The following TUBB2A variants were observed in gnomAD, a reference collection of about 807,000 sequenced individuals.
The protein encoded by TUBB2A is tubulin beta-2A chain.
Under a neutral mutation model 33.9 loss-of-function variants are expected in TUBB2A, and 7 were observed. The observed-to-expected ratio is 0.21, with a 90% CI of 0.12 to 0.39. TUBB2A has a LOEUF of 0.39. TUBB2A is among the 10% of genes least tolerant of loss of function. The probability of loss-of-function intolerance (pLI) is 1.00; values close to 1 mark genes in which losing one functional copy is unlikely to be tolerated. For synonymous variants in TUBB2A, 187 were observed against 247.6 expected (o/e 0.76, Z 2.30); for missense variants, 80 against 593.4 (o/e 0.13, Z 8.99).
chr6:3,155,572 G>A lies in TUBB2A; in HGVS notation c.277+53C>T. 1.4e-6 allele frequency: 2 copies of A among 1,416,214 alleles called. No homozygotes were observed. Among genetic ancestry groups the A allele is most frequent in the Non-Finnish European group, 2.0e-6 (2 of 1,012,488 alleles). The allele number at this position is 1,416,214 out of a possible 1,614,324, so 87.7% of individuals were successfully genotyped here. A position where few individuals can be genotyped will look rare whatever the true frequency, so the allele number is the denominator to read the frequency against. On this transcript the variant is annotated intron_variant, in intron 3 of 3. Coordinates refer to ENST00000333628, the MANE Select transcript of TUBB2A (RefSeq NM_001069.3). The surrounding 1 kb of genome is among the most constrained non-coding windows in gnomAD (Gnocchi z 4.2). Reference sequence around the variant, plus strand: ...ACTAAGAACTGTGCTTTGCAGGGCTGTTAGGAAGAAGGTGTGTCATTTGGC... The same window carrying A: ...ACTAAGAACTGTGCTTTGCAGGGCTATTAGGAAGAAGGTGTGTCATTTGGC...
chr6:3,155,791 A>T lies in TUBB2A; in HGVS notation c.167-56T>A. On this transcript the variant is annotated intron_variant, in intron 2 of 3. Transcript: ENST00000333628. This position sits in a 1 kb window ranked among gnomAD's most constrained non-coding sequence, Gnocchi z 4.2. ...TGCTTGGGGAGGGACTCACAGCAGC[A>T]TTCAATTCCAGCATCTGAGACAAAA... 6.8e-7 allele frequency: 1 copy of T among 1,462,610 alleles called. No homozygotes were observed. The highest frequency in any genetic ancestry group is 1.2e-5 in the South Asian group (1 of 84,368). The allele number at this position is 1,462,610 out of a possible 1,614,324, so 90.6% of individuals were successfully genotyped here. A position where few individuals can be genotyped will look rare whatever the true frequency, so the allele number is the denominator to read the frequency against.
chr6:3,156,025 C>G lies in TUBB2A; in HGVS notation c.166+19G>C. ...CATGGAAAGCAAGGATTCCTGGGCA[C>G]ACACATCCCGCTACTCACCAGCAGC... On this transcript the variant is annotated intron_variant, in intron 2 of 3. Transcript: ENST00000333628. The G allele has an allele frequency of 6.4e-7, 1 of 1,551,544 alleles. No homozygotes were observed. The highest frequency in any genetic ancestry group is 8.7e-7 in the Non-Finnish European group (1 of 1,143,492).
At position 3,154,541 on chromosome 6, in the gene TUBB2A, G is replaced by A. The variant is rs1281876761; in HGVS notation, c.660C>T (p.Pro220=). The stretch of plus-strand genomic sequence containing the variant: ...CCAGGTGGTTGAGGTCCCCGTAGGT[G>A]GGGGTGGTCAGCTTCAGGGTGCGGA... The part of the protein sequence containing the change: ...ICFRTLKLTT[P]TYGDLNHLVS... The change falls in exon 4 of 4, where the codon CCC becomes CCT. Residue 220 remains proline (P), a synonymous_variant. Coordinates refer to ENST00000333628, the MANE Select transcript of TUBB2A (RefSeq NM_001069.3). The A allele has an allele frequency of 6.2e-7, 1 of 1,613,180 alleles. No individual in the cohort carries two copies. Among genetic ancestry groups the A allele is most frequent in the South Asian group, 1.1e-5 (1 of 90,978 alleles).
intron 1 of TUBB2A, 43 bp downstream of exon 1, chr6:3,157,364 C>A: frequency 1.4e-6 from 2 of 1,454,772 alleles, no homozygotes; most frequent in African/African-American, 1.5e-5. Flanking sequence ...CCAGCCCGCA[C>A]CCTCGGTCCC....
In TUBB2A at chr6:3,155,557, G is replaced by C; in HGVS notation, c.277+68C>G. 7.8e-7 allele frequency: 1 copy of C among 1,280,276 alleles called. No individual in the cohort carries two copies. Among genetic ancestry groups the C allele is most frequent in the South Asian group, 1.3e-5 (1 of 76,648 alleles). The allele number at this position is 1,280,276 out of a possible 1,614,324, so 79.3% of individuals were successfully genotyped here. A position where few individuals can be genotyped will look rare whatever the true frequency, so the allele number is the denominator to read the frequency against. On this transcript the variant is annotated intron_variant, in intron 3 of 3. Transcript: ENST00000333628. This position sits in a 1 kb window ranked among gnomAD's most constrained non-coding sequence, Gnocchi z 4.2. ...ACCTTGGCACTGAACACTAAGAACT[G>C]TGCTTTGCAGGGCTGTTAGGAAGAA...
intron 1 of TUBB2A, 111 bp downstream of exon 1, chr6:3,157,296 C>A: frequency 1.7e-6 from 2 of 1,192,390 alleles, no homozygotes; most frequent in Non-Finnish European, 2.1e-6. Flanking sequence ...GGCCTCGCCG[C>A]GGAATGTGCC....
In TUBB2A at chr6:3,157,522, C is replaced by T; in HGVS notation, c.-59G>A. ...CGGAGCGGTGCGCGGCGTGGACCGG[C>T]GGGCTGGGCTGCGCAGAGACCTGCC... On this transcript the variant is annotated 5_prime_UTR_variant, in exon 1 of 4. Transcript: ENST00000333628. 7.0e-7 allele frequency: 1 copy of T among 1,427,836 alleles called. No homozygotes were observed. The highest frequency in any genetic ancestry group is 1.5e-5 in the African/African-American group (1 of 67,110). The allele number at this position is 1,427,836 out of a possible 1,614,324, so 88.4% of individuals were successfully genotyped here.
rs1431378123 is a variant in TUBB2A at position 3,155,368 on chromosome 6, G to T, written c.277+257C>A. Among the ~76,000 whole-genome samples, 1 of 152,196 alleles carries T rather than the reference G, an allele frequency of 6.6e-6. No individual in the cohort carries two copies. Among genetic ancestry groups the T allele is most frequent in the Non-Finnish European group, 1.5e-5 (1 of 68,028 alleles). Reference sequence around the variant, plus strand: ...AAGTTGCCTATAGCCTATGAAGCCTGGCTTGAAGCTTTTCCTTGCTCTTTC... The same window carrying T: ...AAGTTGCCTATAGCCTATGAAGCCTTGCTTGAAGCTTTTCCTTGCTCTTTC... On this transcript the variant is annotated intron_variant, in intron 3 of 3. Transcript: ENST00000333628. The surrounding 1 kb of genome is among the most constrained non-coding windows in gnomAD (Gnocchi z 4.2).
chr6:3,157,330 C>T, intron 1 of TUBB2A, 77 bp downstream of exon 1: 1 of 1,289,942 alleles, frequency 7.8e-7, no homozygotes, highest in Non-Finnish European at 9.8e-7. Flanking sequence ...GGGGCCGCCG[C>T]GGCCTCCAGC....
intron 3 of TUBB2A, 53 bp from the exon 4 acceptor site, chr6:3,154,976 C>A (rs999008510): frequency 6.2e-7 from 1 of 1,610,490 alleles, no homozygotes. Flanking sequence ...ATTTCAAAAT[C>A]TGTCATTTTG....
chr6:3,156,941 T>C (rs895661209), intron 1 of TUBB2A, among the ~76,000 whole-genome samples: 7 of 152,254 alleles, frequency 4.6e-5, no homozygotes, highest in African/African-American at 1.4e-4. Flanking sequence ...GCGTTGTATG[T>C]CATCATGTCA....
At position 3,155,563 on chromosome 6, in the gene TUBB2A, T is replaced by A. The variant is rs557181749; in HGVS notation, c.277+62A>T. ...GCACTGAACACTAAGAACTGTGCTT[T>A]GCAGGGCTGTTAGGAAGAAGGTGTG... On this transcript the variant is annotated intron_variant, in intron 3 of 3. Coordinates refer to ENST00000333628, the MANE Select transcript of TUBB2A (RefSeq NM_001069.3). This position sits in a 1 kb window ranked among gnomAD's most constrained non-coding sequence, Gnocchi z 4.2. 2.1e-4 allele frequency: 278 copies of A among 1,332,884 alleles called. No individual in the cohort carries two copies. Among genetic ancestry groups the A allele is most frequent in the Middle Eastern group, 4.5e-4 (2 of 4,428 alleles). The allele number at this position is 1,332,884 out of a possible 1,614,324, so 82.6% of individuals were successfully genotyped here. A position where few individuals can be genotyped will look rare whatever the true frequency, so the allele number is the denominator to read the frequency against.
intron 3 of TUBB2A, 68 bp from the exon 4 acceptor site, chr6:3,154,991 TGGA>T (rs1762607141): frequency 6.2e-7 from 1 of 1,602,270 alleles, no homozygotes; most frequent in Non-Finnish European, 8.5e-7. Context: ...ATTTTGACTA[TGGA>T]GGAGAAGGTA....
chr6:3,155,631 C>T lies in TUBB2A; in HGVS notation c.271G>A (p.Val91Met). 6.2e-7 allele frequency: 1 copy of T among 1,611,926 alleles called. No homozygotes were observed. The highest frequency in any genetic ancestry group is 8.5e-7 in the Non-Finnish European group (1 of 1,178,990). Residue 91 changes from valine to methionine, a missense_variant, in exon 3 of 4, where the codon GTG becomes ATG. Transcript: ENST00000333628. The surrounding 1 kb of genome is among the most constrained non-coding windows in gnomAD (Gnocchi z 4.2). ...AGTGATCATGACTACATACCGAACA[C>T]GAAGTTGTCTGGTCTGAAGATCTGG... ...FGQIFRPDNF[V>M]FGQSGAGNNW...
Position 3,154,825 on chromosome 6 carries a change from T to C in TUBB2A, c.376A>G (p.Ser126Gly), listed in dbSNP as rs750214958. 6.2e-7 allele frequency: 1 copy of C among 1,611,916 alleles called. No homozygotes were observed. Among genetic ancestry groups the C allele is most frequent in the Admixed American group, 1.7e-5 (1 of 59,932 alleles). Residue 126 changes from serine (S) to glycine (G), a missense_variant, in exon 4 of 4, where the codon AGC (serine) becomes GGC (glycine). By Grantham distance (56) the Ser-to-Gly change is moderately conservative. This residue lies in a region of TUBB2A where 27 missense variants were observed against 165.8 expected (regional missense o/e 0.16). Transcript: ENST00000333628. ...TGGAAGCCCTGGAGACAGTCACAGC[T>C]CTCTGACTCCTTCCTCACCACATCC... is the stretch of plus-strand genomic sequence containing the variant. Reference protein sequence around the residue: ...VLDVVRKESESCDCLQGFQLT... With the variant: ...VLDVVRKESEGCDCLQGFQLT...
rs1261292356 is a variant in TUBB2A at position 3,155,870 on chromosome 6, G to C, written c.167-135C>G. 7.3e-7 allele frequency: 1 copy of C among 1,372,926 alleles called. No homozygotes were observed. The highest frequency in any genetic ancestry group is 1.5e-5 in the African/African-American group (1 of 68,908). The allele number at this position is 1,372,926 out of a possible 1,614,324, so 85.0% of individuals were successfully genotyped here. ...AAAAAGGAGGTCCTGAGTGTGCTTAGCCGTGGCAAACAGGCAGGAATCTTA... is the reference window on the plus strand; with the variant it reads ...AAAAAGGAGGTCCTGAGTGTGCTTACCCGTGGCAAACAGGCAGGAATCTTA... On this transcript the variant is annotated intron_variant, in intron 2 of 3. Transcript: ENST00000333628. The surrounding 1 kb of genome is among the most constrained non-coding windows in gnomAD (Gnocchi z 4.2).
chr6:3,154,741 T>G lies in TUBB2A; in HGVS notation c.460A>C (p.Lys154Gln), dbSNP rs1352426310. 1.2e-6 allele frequency: 2 copies of G among 1,610,960 alleles called. No individual in the cohort carries two copies. The highest frequency in any genetic ancestry group is 1.7e-6 in the Non-Finnish European group (2 of 1,178,234). Residue 154 changes from lysine (K) to glutamine (Q), a missense_variant, in exon 4 of 4, where the codon AAG (lysine) becomes CAG (glutamine). Transcript: ENST00000333628. ...GSGMGTLLIS[K>Q]IREEYPDRIM... is the part of the protein sequence containing the mutation. ...CGGTCTGGGTACTCTTCCCGGATCT[T>G]GCTGATGAGCAGGGTGCCCATCCCG...
chr6:3,156,995 T>C (rs953730405), intron 1 of TUBB2A, among the ~76,000 whole-genome samples: 1 of 152,280 alleles, frequency 6.6e-6, no homozygotes, highest in African/African-American at 2.4e-5. Context: ...CCCTTGCCTG[T>C]ACGACCCAAA....
chr6:3,156,685 C>A (rs9501928), intron 1 of TUBB2A, among the ~76,000 whole-genome samples: 346 of 147,808 alleles, frequency 2.3e-3, no homozygotes, highest in African/African-American at 9.0e-3. Flanking sequence ...GCAGCAGGAG[C>A]CTGGGAGGGC....
Sources: gnomAD v4.1 joint callset for allele counts (sites outside exome capture counted in the v4.1 genomes callset) on GRCh38, gnomAD v4.1.1 for gene constraint, gnomAD v4.1.1 regional missense constraint, Gnocchi (gnomAD v3.1) non-coding constraint, MANE v1.5 for transcripts, NCBI Gene and HGNC (gene_info 2026-07-23, HGNC 2026-07-21) for gene names.